Variants in OSBPL9 observed in about 807,000 individuals in gnomAD.
The protein encoded by OSBPL9 is oxysterol-binding protein-related protein 9.
In OSBPL9, 40 loss-of-function variants were observed where a neutral mutation model predicts 106.6. The ratio of observed to expected loss-of-function variants is 0.38; its 90% CI spans 0.29 to 0.49. The LOEUF is 0.49. OSBPL9 is among the 20% of genes least tolerant of loss of function. The pLI, the probability that OSBPL9 is intolerant of heterozygous loss-of-function variation, is 0.97. For synonymous variants in OSBPL9, 269 were observed against 295.4 expected (o/e 0.91, Z 0.92); for missense variants, 609 against 887.2 (o/e 0.69, Z 3.98).
chr1:51,582,899 G>A, intron 1 of OSBPL9: 1 of 152,030 alleles, frequency 6.6e-6, no homozygotes, highest in East Asian at 1.9e-4. Flanking sequence ...ACAAGCCCAG[G>A]CAACATGGTG....
chr1:51,635,435 C>T (rs1645370831), intron 1 of OSBPL9, among the ~76,000 whole-genome samples: 2 of 152,180 alleles, frequency 1.3e-5, no homozygotes, highest in Non-Finnish European at 2.9e-5. Flanking sequence ...TCTGCAGATA[C>T]AAGTCTCCCC....
intron 6 of OSBPL9, among the ~76,000 whole-genome samples, chr1:51,747,763 A>G (rs1036666629): frequency 6.6e-6 from 1 of 152,030 alleles, no homozygotes; most frequent in Non-Finnish European, 1.5e-5. Context: ...ACTTGCTTTC[A>G]GGTAAGGAAT....
intron 1 of OSBPL9, chr1:51,582,868 A>G (rs886914595): frequency 6.6e-6 from 1 of 152,092 alleles, no homozygotes; most frequent in African/African-American, 2.4e-5. Context: ...CAGGCAGATC[A>G]CTTGAGCTCA....
At chr1:51,619,522 GAGGA>G (rs748989860) in intron 1 of OSBPL9, among the ~76,000 whole-genome samples, 2 of 152,126 alleles carry the variant, frequency 1.3e-5, no homozygotes, top group Non-Finnish European at 2.9e-5. Flanking sequence ...ATCCTTGCCA[GAGGA>G]AGGAAGTATC....
At chr1:51,710,888 T>C (rs72898063) in intron 3 of OSBPL9, among the ~76,000 whole-genome samples, 18,935 of 152,264 alleles carry the variant, frequency 0.12, 1,306 homozygotes, top group Middle Eastern at 0.22. Flanking sequence ...CTAGGACTTC[T>C]GAATGTCTTT....
intron 14 of OSBPL9, among the ~76,000 whole-genome samples, chr1:51,775,561 T>C (rs1674861979): frequency 6.6e-6 from 1 of 152,192 alleles, no homozygotes; most frequent in Non-Finnish European, 1.5e-5. Flanking sequence ...ATGCTCTTGT[T>C]ATTCTCTCAT....
At chr1:51,742,236 T>G (rs978171197) in intron 4 of OSBPL9, among the ~76,000 whole-genome samples, 1 of 152,104 alleles carries the variant, frequency 6.6e-6, no homozygotes, top group African/African-American at 2.4e-5. Flanking sequence ...TATGATAAAA[T>G]GTGATAAATG....
chr1:51,602,419 A>ATTTTTTTTT, intron 2 of OSBPL9, among the ~76,000 whole-genome samples: 1 of 104,660 alleles, frequency 9.6e-6, no homozygotes, highest in Non-Finnish European at 1.9e-5. Context: ...TTTTTTTTTA[A>ATTTTTTTTT]TTTTTTTTTT....
chr1:51,593,908 A>G (rs1245399144), intron 1 of OSBPL9, among the ~76,000 whole-genome samples: 2 of 143,280 alleles, frequency 1.4e-5, no homozygotes, highest in African/African-American at 5.3e-5. Flanking sequence ...CAGATTTCAC[A>G]CACACACACA....
At chr1:51,778,135 G>A (rs192806847) in intron 15 of OSBPL9, among the ~76,000 whole-genome samples, 1 of 152,164 alleles carries the variant, frequency 6.6e-6, no homozygotes, top group Non-Finnish European at 1.5e-5. Context: ...CAGCTTGGGT[G>A]ACAGAGCAAG....
At chr1:51,666,473 A>G (rs1648544134) in intron 2 of OSBPL9, among the ~76,000 whole-genome samples, 1 of 152,254 alleles carries the variant, frequency 6.6e-6, no homozygotes, top group Non-Finnish European at 1.5e-5. Context: ...CCTCAGTCAT[A>G]CTAGTCATAT....
At chr1:51,581,960 C>T (rs2148599131) in intron 1 of OSBPL9, among the ~76,000 whole-genome samples, 1 of 152,292 alleles carries the variant, frequency 6.6e-6, no homozygotes, top group Non-Finnish European at 1.5e-5. Context: ...ATGTTCTCTT[C>T]TTCAGCCCTA....
At chr1:51,538,620 A>G in the OSBPL9 span, 2 of 152,346 alleles carry the variant, frequency 1.3e-5, no homozygotes, top group East Asian at 1.9e-4. Flanking sequence ...TAAAATCTAT[A>G]CAAAAGGCAT....
chr1:51,610,565 G>A (rs1196204711), intron 2 of OSBPL9, among the ~76,000 whole-genome samples: 1 of 152,224 alleles, frequency 6.6e-6, no homozygotes, highest in Non-Finnish European at 1.5e-5. Context: ...ATTGGAGATA[G>A]AGAGGTGAAT....
intron 3 of OSBPL9, among the ~76,000 whole-genome samples, chr1:51,708,834 T>A (rs1324559271): frequency 6.6e-6 from 1 of 152,236 alleles, no homozygotes; most frequent in East Asian, 1.9e-4. Context: ...AATCCTTCAG[T>A]TATCAAAATC....
At chr1:51,563,951 G>T in the OSBPL9 span, among the ~76,000 whole-genome samples, 1 of 149,348 alleles carries the variant, frequency 6.7e-6, no homozygotes, top group African/African-American at 2.5e-5. Context: ...AAGTGTGGTG[G>T]CATGCACCTG....
At chr1:51,522,497 TTTTGTTTG>T in the OSBPL9 span, among the ~76,000 whole-genome samples, 33 of 152,120 alleles carry the variant, frequency 2.2e-4, no homozygotes, top group African/African-American at 6.8e-4. Flanking sequence ...AGAGAGGTGT[TTTTGTTTG>T]TTTGTTTGTT....
chr1:51,754,219 G>A (rs72663132), intron 8 of OSBPL9, among the ~76,000 whole-genome samples: 28 of 152,342 alleles, frequency 1.8e-4, no homozygotes, highest in Admixed American at 3.3e-4. Flanking sequence ...AGAATGGCAT[G>A]TGCCAGGGGG....
chr1:51,775,962 T>C (rs1179466422), intron 14 of OSBPL9, among the ~76,000 whole-genome samples: 1 of 152,186 alleles, frequency 6.6e-6, no homozygotes, highest in Non-Finnish European at 1.5e-5. Flanking sequence ...ATGTAGTTAT[T>C]ACTAAATGTT....
Sources: gnomAD v4.1 joint callset for allele counts (sites outside exome capture counted in the v4.1 genomes callset) on GRCh38, gnomAD v4.1.1 for gene constraint, MANE v1.5 for transcripts, NCBI Gene and HGNC (gene_info 2026-07-23, HGNC 2026-07-21) for gene names.